Variants in COA8 observed in about 807,000 individuals in gnomAD.
COA8 encodes cytochrome c oxidase assembly factor 8.
A neutral mutation model predicts 22.0 loss-of-function variants in COA8; 20 were observed. The ratio of observed to expected loss-of-function variants is 0.91; its 90% CI spans 0.64 to 1.32. COA8 has a LOEUF of 1.32. Ranked by LOEUF, COA8 falls within the 40% of genes most tolerant of loss-of-function variation. The pLI is 0.00. For missense variants in COA8, 266 were observed against 230.0 expected (o/e 1.16, Z -1.01); for synonymous variants, 105 against 79.9 (o/e 1.31, Z -1.68).
At chr14:103,572,938 G>A (rs921541886) in intron 2 of COA8, among the ~76,000 whole-genome samples, 23 of 149,658 alleles carry the variant, frequency 1.5e-4, no homozygotes, top group Admixed American at 7.4e-4. Context: ...ACACACCTCC[G>A]TGCCCAGCTA....
At chr14:103,588,678 T>C (rs1170472687) in intron 4 of COA8, among the ~76,000 whole-genome samples, 3 of 151,864 alleles carry the variant, frequency 2.0e-5, no homozygotes, top group African/African-American at 4.8e-5. Context: ...ACCCTGTCTC[T>C]ACAAAAAATA....
rs185846360 is a variant in COA8 at position 103,587,680 on chromosome 14, T to G, written c.476+316T>G. 8.5e-3 allele frequency among the ~76,000 whole-genome samples: 1,285 copies of G among 151,828 alleles called. 20 individuals carry two copies. Among genetic ancestry groups the G allele is most frequent in the African/African-American group, 0.03 (1,241 of 41,442 alleles). On this transcript the variant is annotated intron_variant, in intron 4 of 4. Transcript: ENST00000409074. ...CCGCCAGCACGCCTGGCTAATTTTT[T>G]GTATTTTTAGTAGAGACAGGGTTTC...
chr14:103,563,153 G>C (rs1476775636), intron 1 of COA8, 29 bp downstream of exon 1: 5 of 1,539,478 alleles, frequency 3.2e-6, no homozygotes, highest in African/African-American at 1.4e-5. Context: ...ACATTGGGCC[G>C]GGAGGGGTGA....
rs972843295 is a variant in COA8, at chr14:103,581,122, G to C, written c.386-6152G>C. On this transcript the variant is annotated intron_variant, in intron 3 of 4. Transcript: ENST00000409074. This position sits in a 1 kb window ranked among gnomAD's most constrained non-coding sequence, Gnocchi z 4.1. ...GCCTGTTACACCATTTTATATAAAG[G>C]ATTTGAGCATCCTGAAATGTTGGTA... Among the ~76,000 whole-genome samples the C allele has an allele frequency of 5.9e-5, 9 of 152,082 alleles. No individual in the cohort carries two copies. Among genetic ancestry groups the C allele is most frequent in the African/African-American group, 2.2e-4 (9 of 41,428 alleles).
At chr14:103,574,238 G>A in intron 3 of COA8, 68 bp downstream of exon 3, 1 of 1,600,566 alleles carries the variant, frequency 6.2e-7, no homozygotes, top group African/African-American at 1.3e-5. Context: ...AAAAGGGAAA[G>A]GAAGGGCGGT....
intron 3 of COA8, among the ~76,000 whole-genome samples, chr14:103,578,711 C>T (rs2076246576): frequency 6.6e-6 from 1 of 152,196 alleles, no homozygotes; most frequent in Non-Finnish European, 1.5e-5. Flanking sequence ...TACAGTGCTT[C>T]TGCTGCTTGT....
chr14:103,590,437 C>T lies in COA8; in HGVS notation c.*151C>T, dbSNP rs1397045225. 7.6e-6 allele frequency: 5 copies of T among 654,860 alleles called. No individual in the cohort carries two copies. The highest frequency in any genetic ancestry group is 1.0e-5 in the Non-Finnish European group (4 of 389,564). The allele number at this position is 654,860 out of a possible 1,614,324, so 40.6% of individuals were successfully genotyped here. A position where few individuals can be genotyped will look rare whatever the true frequency, so the allele number is the denominator to read the frequency against. ...GGCCTGTTTGGGGGCAGGGTAGGTC[C>T]TGGGGCACTGTGGGCCGCCTGCCTG... On this transcript the variant is annotated 3_prime_UTR_variant, in exon 5 of 5. Coordinates refer to ENST00000409074, the MANE Select transcript of COA8 (RefSeq NM_001370595.2).
chr14:103,571,096 C>T (rs1475838545), intron 1 of COA8, among the ~76,000 whole-genome samples: 1 of 152,188 alleles, frequency 6.6e-6, no homozygotes, highest in Non-Finnish European at 1.5e-5. Flanking sequence ...TGGCTGGCAC[C>T]TTACCAGAAT....
intron 3 of COA8, among the ~76,000 whole-genome samples, chr14:103,586,200 C>CCTTTTTT (rs2076305497): frequency 1.1e-5 from 1 of 92,698 alleles, no homozygotes; most frequent in Non-Finnish European, 2.1e-5. Flanking sequence ...TGCACCTGGC[C>CCTTTTTT]TTTTTTTTTT....
intron 3 of COA8, among the ~76,000 whole-genome samples, chr14:103,579,142 A>T (rs1055797167): frequency 6.6e-6 from 1 of 152,046 alleles, no homozygotes; most frequent in Admixed American, 6.6e-5. Flanking sequence ...ACAGTAACAC[A>T]TGAGACAGAG....
Position 103,581,629 on chromosome 14 carries a change from G to A in COA8, c.386-5645G>A. ...AGAAAAACCATGGATGGAGGGGACA[G>A]CTGTGCTGCCGCCATCTCCCTTACA... On this transcript the variant is annotated intron_variant, in intron 3 of 4. Transcript: ENST00000409074. The surrounding 1 kb of genome is among the most constrained non-coding windows in gnomAD (Gnocchi z 4.1). 1 of 398,744 alleles carries A rather than the reference G, an allele frequency of 2.5e-6. No homozygotes were observed. The highest frequency in any genetic ancestry group is 4.4e-6 in the Non-Finnish European group (1 of 226,112). The allele number at this position is 398,744 out of a possible 1,614,324, so 24.7% of individuals were successfully genotyped here. A position where few individuals can be genotyped will look rare whatever the true frequency, so the allele number is the denominator to read the frequency against.
chr14:103,571,648 A>T lies in COA8; in HGVS notation c.149A>T (p.Lys50Met). 1 of 1,614,166 alleles carries T rather than the reference A, an allele frequency of 6.2e-7. No homozygotes were observed. The highest frequency in any genetic ancestry group is 8.5e-7 in the Non-Finnish European group (1 of 1,180,016). Residue 50 changes from lysine (K) to methionine (M), a missense_variant, in exon 2 of 5, where the codon AAG (lysine) becomes ATG (methionine). Transcript: ENST00000409074. The part of the protein sequence containing the change: ...SGVSRFCPPR[K>M]SCHDWIGPPD... ...GTCTCAAGATTCTGCCCTCCAAGAAAGTCTTGCCATGATTGGATAGGACCC... is the reference window on the plus strand; with the variant it reads ...GTCTCAAGATTCTGCCCTCCAAGAATGTCTTGCCATGATTGGATAGGACCC...
chr14:103,574,102 T>TTTTTTG lies in COA8; in HGVS notation c.322-4_322-3insTTTTGT. The TTTTTTG allele has an allele frequency of 6.5e-7, 1 of 1,530,486 alleles. No individual in the cohort carries two copies. Among genetic ancestry groups the TTTTTTG allele is most frequent in the Non-Finnish European group, 8.7e-7 (1 of 1,145,520 alleles). 94.8% of individuals were successfully genotyped at this position (1,530,486 alleles called of 1,614,324 possible). ...CCTTTTTTTTTTTTTTTTTTTTTTT[T>TTTTTTG]TAAGGAAAAAGAAGAATTTATTCAC... On this transcript the variant is annotated splice_region_variant and splice_polypyrimidine_tract_variant and intron_variant, in intron 2 of 4. Coordinates refer to ENST00000409074, the MANE Select transcript of COA8 (RefSeq NM_001370595.2).
Position 103,563,121 on chromosome 14 carries a change from C to A in COA8, c.120C>A (p.Ser40Arg). 1.3e-6 allele frequency: 2 copies of A among 1,539,164 alleles called. No homozygotes were observed. The highest frequency in any genetic ancestry group is 1.7e-6 in the Non-Finnish European group (2 of 1,148,022). The change falls in exon 1 of 5, where the codon AGC becomes AGA. Residue 40 changes from serine to arginine, a missense_variant. Transcript: ENST00000409074. Reference sequence around the variant, plus strand: ...CCGAGCGCAGGGATACGGCGCCCAGCGGGGTAAGCAGGGGCCTGGGGACAT... The same window carrying A: ...CCGAGCGCAGGGATACGGCGCCCAGAGGGGTAAGCAGGGGCCTGGGGACAT... ...RGAERRDTAP[S>R]GVSRFCPPRK...
chr14:103,574,462 T>C, intron 3 of COA8: 1 of 573,816 alleles, frequency 1.7e-6, no homozygotes, highest in Admixed American at 2.2e-5. Context: ...AGCTTCTCCC[T>C]CCAAAGCAGC....
chr14:103,574,398 G>A (rs1283188036), intron 3 of COA8: 1 of 679,144 alleles, frequency 1.5e-6, no homozygotes, highest in East Asian at 3.0e-5. Context: ...AGGTGGTTAT[G>A]ATGGATGACC....
At chr14:103,585,529 AGATG>A (rs201188037) in intron 3 of COA8, among the ~76,000 whole-genome samples, 2,034 of 150,430 alleles carry the variant, frequency 0.014, 51 homozygotes, top group African/African-American at 0.047. Flanking sequence ...GACCTTTATT[AGATG>A]GATGATTAGC....
At chr14:103,567,076 T>C (rs2076140585) in intron 1 of COA8, among the ~76,000 whole-genome samples, 1 of 152,130 alleles carries the variant, frequency 6.6e-6, no homozygotes. Context: ...CCTGGCTGAT[T>C]TTTAAAATTT....
chr14:103,574,199 T>C, intron 3 of COA8, 29 bp downstream of exon 3: 3 of 1,612,672 alleles, frequency 1.9e-6, no homozygotes, highest in Non-Finnish European at 2.5e-6. Context: ...TTGTTTTTTT[T>C]GCTTTCTTTG....
Sources: gnomAD v4.1 joint callset for allele counts (sites outside exome capture counted in the v4.1 genomes callset) on GRCh38, gnomAD v4.1.1 for gene constraint, Gnocchi (gnomAD v3.1) non-coding constraint, MANE v1.5 for transcripts, NCBI Gene and HGNC (gene_info 2026-07-23, HGNC 2026-07-21) for gene names.